Variants in ANKRD30A observed in about 807,000 individuals in gnomAD.
The protein encoded by ANKRD30A is ankyrin repeat domain-containing protein 30A.
ANKRD30A carries 170 observed loss-of-function variants against 166.3 expected under a neutral mutation model. The observed-to-expected ratio is 1.02, with a 90% CI of 0.90 to 1.16. The LOEUF is 1.16. Ranked by LOEUF, ANKRD30A falls within the 50% of genes most tolerant of loss-of-function variation. The probability of loss-of-function intolerance (pLI) is 0.00; values close to 1 mark genes in which losing one functional copy is unlikely to be tolerated. For missense variants in ANKRD30A, 1,630 were observed against 1,518.0 expected, an observed-to-expected ratio of 1.07 and a Z score of -1.23; for synonymous variants, 564 against 508.9, an observed-to-expected ratio of 1.11 and a Z score of -1.46.
At chr10:37,233,934 G>A (rs566153131), downstream of ANKRD30A, among the ~76,000 whole-genome samples, 61 of 152,216 alleles carry the variant, frequency 4.0e-4, no homozygotes, top group African/African-American at 1.3e-3. Flanking sequence ...CATAAAATAT[G>A]TTAAAATAGC....
the ANKRD30A span, chr10:37,264,471 C>A: frequency 2.3e-5 from 5 of 214,758 alleles, no homozygotes; most frequent in East Asian, 4.9e-4. Flanking sequence ...GGGTGGAGTT[C>A]GGGTGAATCT....
chr10:37,193,356 A>G, intron 27 of ANKRD30A, 98 bp downstream of exon 27: 7 of 1,357,086 alleles, frequency 5.2e-6, no homozygotes, highest in Non-Finnish European at 7.0e-6. Flanking sequence ...TTCTATTCAT[A>G]ATTTGATGGG....
the ANKRD30A span, among the ~76,000 whole-genome samples, chr10:37,243,145 T>G: frequency 1.3e-5 from 2 of 150,830 alleles, no homozygotes; most frequent in African/African-American, 4.9e-5. Flanking sequence ...TTTTTTTTTT[T>G]TTTTTTTGAG....
rs911285872 is a variant in ANKRD30A at position 37,149,564 on chromosome 10, G to A, written c.1544-87G>A. On this transcript the variant is annotated intron_variant, in intron 9 of 35. Coordinates refer to ENST00000361713, the MANE Select transcript of ANKRD30A (RefSeq NM_052997.3). ...ATTCGTTCTCAAAGTCGACCAAGAG[G>A]AATCAGTTACATACTATGACTGCAT... 5 of 1,462,832 alleles carry A rather than the reference G, an allele frequency of 3.4e-6. No homozygotes were observed. In the Admixed American group the frequency reaches 7.6e-5, roughly 22 times the overall value. The allele number at this position is 1,462,832 out of a possible 1,614,324, so 90.6% of individuals were successfully genotyped here. A position where few individuals can be genotyped will look rare whatever the true frequency, so the allele number is the denominator to read the frequency against.
intron 15 of ANKRD30A, among the ~76,000 whole-genome samples, chr10:37,160,011 T>A (rs1391345843): frequency 2.0e-5 from 3 of 152,190 alleles, no homozygotes; most frequent in African/African-American, 7.2e-5. Flanking sequence ...TGTCTGAAAT[T>A]TTCAATAAAT....
At chr10:37,232,060 C>T (rs1343094253) in intron 35 of ANKRD30A, among the ~76,000 whole-genome samples, 1 of 151,868 alleles carries the variant, frequency 6.6e-6, no homozygotes, top group Non-Finnish European at 1.5e-5. Context: ...CTAATGTTTT[C>T]CTGTACCATC....
chr10:37,198,368 A>T (rs1841331734), intron 29 of ANKRD30A, among the ~76,000 whole-genome samples: 1 of 152,126 alleles, frequency 6.6e-6, no homozygotes, highest in African/African-American at 2.4e-5. Context: ...ATATTAGGTT[A>T]TTTATAAAAT....
chr10:37,204,982 C>G lies in ANKRD30A; in HGVS notation c.2869+3657C>G, dbSNP rs182535473. ...TGGAGAGGATGTGGAGAAATAGGAA[C>G]GCTTTTACACTGTTGGTGGGAGTGT... On this transcript the variant is annotated intron_variant, in intron 31 of 35. Transcript: ENST00000361713. 2.0e-4 allele frequency among the ~76,000 whole-genome samples: 30 copies of G among 152,182 alleles called. No individual in the cohort carries two copies. The East Asian group carries it at 5.8e-3, about 29-fold the overall frequency.
intron 6 of ANKRD30A, among the ~76,000 whole-genome samples, chr10:37,137,140 T>A (rs1180232964): frequency 6.6e-6 from 1 of 151,958 alleles, no homozygotes; most frequent in Non-Finnish European, 1.5e-5. Flanking sequence ...TTAATATATT[T>A]ATAAATAAAT....
rs536403800 is a variant in ANKRD30A at position 37,194,663 on chromosome 10, T to C, written c.2614+1405T>C. On this transcript the variant is annotated intron_variant, in intron 27 of 35. Transcript: ENST00000361713. ...CCCGGCCGATGTCTGAAATTTTCAA[T>C]AAATAGTTGTACACTGTACGTATTG... Among the ~76,000 whole-genome samples, 216 of 152,270 alleles carry C rather than the reference T, an allele frequency of 1.4e-3. 1 individual carries two copies. Among genetic ancestry groups the C allele is most frequent in the East Asian group, 1.4e-3 (7 of 5,168 alleles).
intron 11 of ANKRD30A, 73 bp from the exon 12 acceptor site, chr10:37,151,987 G>A (rs1171555880): frequency 7.4e-7 from 1 of 1,353,788 alleles, no homozygotes; most frequent in African/African-American, 1.5e-5. Flanking sequence ...AATGAAAGTA[G>A]ATTTGTATAT....
chr10:37,199,402 A>C (rs987393121), intron 29 of ANKRD30A, among the ~76,000 whole-genome samples: 4 of 152,108 alleles, frequency 2.6e-5, no homozygotes, highest in Non-Finnish European at 4.4e-5. Context: ...AGGTAATTAA[A>C]GTTTTCTGAA....
intron 17 of ANKRD30A, among the ~76,000 whole-genome samples, chr10:37,163,174 A>G (rs1379815652): frequency 2.8e-5 from 4 of 140,988 alleles, no homozygotes; most frequent in Non-Finnish European, 6.1e-5. Flanking sequence ...AGCTCTTCGA[A>G]GCTTGATTCA....
intron 31 of ANKRD30A, among the ~76,000 whole-genome samples, chr10:37,207,212 C>T (rs893576658): frequency 5.9e-5 from 9 of 152,104 alleles, no homozygotes; most frequent in Non-Finnish European, 1.2e-4. Context: ...GTTGATGAGA[C>T]ATCAATTTTA....
chr10:37,252,778 T>C, the ANKRD30A span, among the ~76,000 whole-genome samples: 31 of 152,290 alleles, frequency 2.0e-4, no homozygotes, highest in Admixed American at 3.3e-4. Context: ...CTGTTTCAAA[T>C]AGTTGTTAAA....
intron 13 of ANKRD30A, among the ~76,000 whole-genome samples, chr10:37,156,840 A>G (rs569104821): frequency 3.0e-4 from 46 of 152,312 alleles, no homozygotes; most frequent in African/African-American, 1.0e-3. Flanking sequence ...GCAGGTTTTT[A>G]TTTAAAGCGT....
chr10:37,222,065 C>A (rs1842926108), intron 34 of ANKRD30A, among the ~76,000 whole-genome samples: 1 of 151,240 alleles, frequency 6.6e-6, no homozygotes, highest in South Asian at 2.1e-4. Context: ...CTTGATACTG[C>A]CATTGGATGT....
At chr10:37,201,123 T>A in intron 30 of ANKRD30A, 112 bp from the exon 31 acceptor site, 1 of 802,556 alleles carries the variant, frequency 1.2e-6, no homozygotes. Context: ...TAAGTTGAAT[T>A]GCTTGCAAAA....
At chr10:37,131,411 A>T (rs539364470) in intron 3 of ANKRD30A, among the ~76,000 whole-genome samples, 7 of 152,320 alleles carry the variant, frequency 4.6e-5, no homozygotes, top group African/African-American at 1.7e-4. Context: ...TTTTATACTG[A>T]ATTTCTAATA....
Sources: allele counts gnomAD v4.1 joint callset (sites outside exome capture counted in the v4.1 genomes callset), GRCh38; gene constraint gnomAD v4.1.1; transcripts MANE v1.5; gene names NCBI Gene and HGNC (gene_info 2026-07-23, HGNC 2026-07-21).